Variants in NFASC observed in about 807,000 individuals in gnomAD.
NFASC encodes neurofascin.
A neutral mutation model predicts 147.5 loss-of-function variants in NFASC; 43 were observed. The observed-to-expected ratio is 0.29, with a 90% CI of 0.23 to 0.38. NFASC has a LOEUF of 0.38. Ranked by LOEUF, NFASC falls within the 10% of genes least tolerant of loss-of-function variation. The probability of loss-of-function intolerance (pLI) is 1.00; values close to 1 mark genes in which losing one functional copy is unlikely to be tolerated. For synonymous variants in NFASC, 622 were observed against 665.5 expected (o/e 0.93, Z 1.01); for missense variants, 1,320 against 1,689.0 (o/e 0.78, Z 3.83).
At chr1:204,892,258 A>G (rs529734494) in intron 1 of NFASC, among the ~76,000 whole-genome samples, 9 of 152,320 alleles carry the variant, frequency 5.9e-5, no homozygotes, top group Admixed American at 3.3e-4. Flanking sequence ...ACTCTTAACG[A>G]CTTTCAGTTC....
At chr1:204,856,842 A>G (rs1019780934) in intron 1 of NFASC, among the ~76,000 whole-genome samples, 1 of 152,234 alleles carries the variant, frequency 6.6e-6, no homozygotes, top group African/African-American at 2.4e-5. Flanking sequence ...ACATTGCGGC[A>G]TGCATCAGTA....
intron 1 of NFASC, among the ~76,000 whole-genome samples, chr1:204,893,337 T>A (rs888908038): frequency 7.2e-5 from 11 of 152,184 alleles, no homozygotes; most frequent in Admixed American, 2.0e-4. Context: ...GTGGGAGAGA[T>A]GCTTGGACAT....
Position 204,987,918 on chromosome 1 carries a change from A to ACAGT in NFASC, c.2593+382_2593+385dup, listed in dbSNP as rs33936667. ...GTAGATAGTATACTCACAGGAGTCC[A>ACAGT]CAGTCAGGACACCCCTTGACAAGAT... On this transcript the variant is annotated intron_variant, in intron 22 of 29. Transcript: ENST00000339876. This position sits in a 1 kb window ranked among gnomAD's most constrained non-coding sequence, Gnocchi z 4.4. Among the ~76,000 whole-genome samples the ACAGT allele has an allele frequency of 2.3e-5, 1 of 44,018 alleles. No homozygotes were observed. Among genetic ancestry groups the ACAGT allele is most frequent in the African/African-American group, 1.0e-4 (1 of 9,778 alleles). The allele number at this position is 44,018 out of a possible 152,430, so 28.9% of individuals were successfully genotyped here. A position where few individuals can be genotyped will look rare whatever the true frequency, so the allele number is the denominator to read the frequency against.
chr1:204,855,232 T>C (rs2076051408), intron 1 of NFASC, among the ~76,000 whole-genome samples: 1 of 152,230 alleles, frequency 6.6e-6, no homozygotes, highest in South Asian at 2.1e-4. Flanking sequence ...GGCATTATCT[T>C]AGTTTGGAAG....
intron 1 of NFASC, among the ~76,000 whole-genome samples, chr1:204,893,169 A>G (rs1277416130): frequency 6.6e-6 from 1 of 152,230 alleles, no homozygotes; most frequent in East Asian, 1.9e-4. Flanking sequence ...GCTGGTGAAC[A>G]TGCTAGATGG....
In NFASC at chr1:205,016,616, A is replaced by G; in HGVS notation, c.*77A>G. On this transcript the variant is annotated 3_prime_UTR_variant, in exon 30 of 30. Transcript: ENST00000339876. This position sits in a 1 kb window ranked among gnomAD's most constrained non-coding sequence, Gnocchi z 5.1. ...GGGGAGACAAAACCACTGCAGACCT[A>G]CCACGAAGCCACCACCACCTTCAGT... 9.8e-7 allele frequency: 1 copy of G among 1,022,038 alleles called. No homozygotes were observed. 63.3% of individuals were successfully genotyped at this position (1,022,038 alleles called of 1,614,324 possible).
chr1:204,934,196 G>C (rs1184762420), intron 2 of NFASC, among the ~76,000 whole-genome samples: 5 of 151,468 alleles, frequency 3.3e-5, no homozygotes, highest in Non-Finnish European at 7.4e-5. Flanking sequence ...CTGAGGCAGA[G>C]AGCCAGTTGA....
rs2095638905 is a variant in NFASC at position 204,987,382 on chromosome 1, C to T, written c.2471-36C>T. On this transcript the variant is annotated intron_variant, in intron 21 of 29. Transcript: ENST00000339876. This position sits in a 1 kb window ranked among gnomAD's most constrained non-coding sequence, Gnocchi z 4.4. ...TTTTCCTCATCCTCCCTGCCCCCTC[C>T]CCCTCATCTCCCCTGCTCTCTCCTC... 2 of 1,600,266 alleles carry T rather than the reference C, an allele frequency of 1.2e-6. No individual in the cohort carries two copies. Among genetic ancestry groups the T allele is most frequent in the Non-Finnish European group, 1.7e-6 (2 of 1,170,546 alleles).
chr1:204,939,469 C>T (rs1464635350), intron 2 of NFASC, among the ~76,000 whole-genome samples: 2 of 152,214 alleles, frequency 1.3e-5, no homozygotes, highest in Non-Finnish European at 2.9e-5. Context: ...ATTCTACACT[C>T]TCTCCCAGCA....
intron 8 of NFASC, among the ~76,000 whole-genome samples, chr1:204,959,238 C>T (rs1379214171): frequency 3.9e-5 from 6 of 152,170 alleles, no homozygotes; most frequent in Admixed American, 1.3e-4. Flanking sequence ...ACACACTGAT[C>T]TGTGTTGGTG....
At chr1:205,001,316 C>A in intron 26 of NFASC, 30 bp downstream of exon 26, 1 of 1,445,054 alleles carries the variant, frequency 6.9e-7, no homozygotes, top group Non-Finnish European at 9.7e-7. Context: ...GTGGTGGTGG[C>A]GGCAGCGGCG....
At chr1:204,906,369 T>G (rs984625848) in intron 1 of NFASC, among the ~76,000 whole-genome samples, 6 of 152,178 alleles carry the variant, frequency 3.9e-5, no homozygotes, top group East Asian at 3.9e-4. Flanking sequence ...GGGTTAATTC[T>G]CTCCCCTTAA....
chr1:204,833,649 A>C (rs1177231486), intron 1 of NFASC, among the ~76,000 whole-genome samples: 1 of 152,228 alleles, frequency 6.6e-6, no homozygotes, highest in African/African-American at 2.4e-5. Context: ...CAGGTAAAAC[A>C]CCTTGAGAAC....
chr1:204,930,728 C>T (rs146001208), intron 2 of NFASC, among the ~76,000 whole-genome samples: 211 of 152,330 alleles, frequency 1.4e-3, no homozygotes, highest in South Asian at 0.011. Flanking sequence ...GGGTGGCCCA[C>T]TTAGGGCCTT....
intron 1 of NFASC, among the ~76,000 whole-genome samples, chr1:204,866,669 C>G (rs2077133862): frequency 6.6e-6 from 1 of 152,216 alleles, no homozygotes; most frequent in South Asian, 2.1e-4. Context: ...AGTAAACATT[C>G]ACTGCAAGCC....
chr1:204,911,940 G>T (rs1042848350), intron 1 of NFASC, among the ~76,000 whole-genome samples: 1 of 152,122 alleles, frequency 6.6e-6, no homozygotes, highest in African/African-American at 2.4e-5. Context: ...TTATAGCCCT[G>T]CAGGGGCTAT....
chr1:204,887,432 G>C, intron 1 of NFASC, among the ~76,000 whole-genome samples: 1 of 151,890 alleles, frequency 6.6e-6, no homozygotes, highest in East Asian at 1.9e-4. Flanking sequence ...CCACCTTTTA[G>C]CTTTTGCAAA....
chr1:204,998,960 C>T (rs1255251410), intron 25 of NFASC: 3 of 152,112 alleles, frequency 2.0e-5, no homozygotes, highest in Non-Finnish European at 2.9e-5. Flanking sequence ...CTTGGGAACA[C>T]CCCTCAACCA....
intron 1 of NFASC, among the ~76,000 whole-genome samples, chr1:204,856,418 T>TGA (rs1553378402): frequency 1.7e-4 from 25 of 151,062 alleles, no homozygotes; most frequent in African/African-American, 5.4e-4. Context: ...TGTGTGTGTG[T>TGA]GATTGTGTGA....
Sources: allele counts gnomAD v4.1 joint callset (sites outside exome capture counted in the v4.1 genomes callset), GRCh38; gene constraint gnomAD v4.1.1; non-coding constraint Gnocchi (gnomAD v3.1); transcripts MANE v1.5; gene names NCBI Gene and HGNC (gene_info 2026-07-23, HGNC 2026-07-21).